Variants in MTMR8 observed in about 807,000 individuals in gnomAD.
MTMR8 encodes phosphatidylinositol-3,5-bisphosphate 3-phosphatase MTMR8.
MTMR8 carries 65 observed loss-of-function variants against 39.3 expected under a neutral mutation model. The ratio of observed to expected loss-of-function variants is 1.65; its 90% CI spans 1.35 to 2.03. MTMR8 has a LOEUF of 2.03. Ranked by LOEUF, MTMR8 falls within the 30% of genes most tolerant of loss-of-function variation. The pLI is 0.00. For synonymous variants in MTMR8, 245 were observed against 185.2 expected, an observed-to-expected ratio of 1.32 and a Z score of -2.62; for missense variants, 777 against 538.9, an observed-to-expected ratio of 1.44 and a Z score of -4.37.
chrX:64,365,759 A>G (rs1173013212), intron 1 of MTMR8, among the ~76,000 whole-genome samples: 1 of 111,817 alleles, frequency 8.9e-6, no homozygotes, highest in African/African-American at 3.3e-5. Flanking sequence ...CACACATAAC[A>G]ATATTAACCT....
chrX:64,365,154 G>A lies in MTMR8; in HGVS notation c.25-5627C>T, dbSNP rs911437836. ...TTTGATTGGTGTGCCTGAAAGTGAC[G>A]GGGAGAATGGAACCAAGTTGGAAAA... On this transcript the variant is annotated intron_variant, in intron 1 of 13. Coordinates refer to ENST00000374852, the MANE Select transcript of MTMR8 (RefSeq NM_017677.4). Among the ~76,000 whole-genome samples the A allele has an allele frequency of 6.3e-5, 7 of 111,372 alleles. No individual in the cohort carries two copies. The East Asian group carries it at 8.5e-4, about 14-fold the overall frequency.
chrX:64,287,999 C>CAAAAAA lies in MTMR8; in HGVS notation c.1482-16932_1482-16927dup. On this transcript the variant is annotated intron_variant, in intron 12 of 13. Transcript: ENST00000374852. ...ATTAAACTAAAGAGCTGCTACACAG[C>CAAAAAA]AAAAAAAAAAAAAAAAAAAAAAAAA... Among the ~76,000 whole-genome samples the CAAAAAA allele has an allele frequency of 1.4e-3, 12 of 8,291 alleles. 1 individual carries two copies. The highest frequency in any genetic ancestry group is 3.0e-3 in the Admixed American group (1 of 331). 7.2% of individuals were successfully genotyped at this position (8,291 alleles called of 115,157 possible). A position where few individuals can be genotyped will look rare whatever the true frequency, so the allele number is the denominator to read the frequency against.
intron 12 of MTMR8, among the ~76,000 whole-genome samples, chrX:64,294,036 C>G (rs769404044): frequency 1.8e-5 from 2 of 111,376 alleles, no homozygotes; most frequent in South Asian, 3.8e-4. Context: ...AAGGCAAGAC[C>G]CTGAAGGATT....
intron 1 of MTMR8, among the ~76,000 whole-genome samples, chrX:64,376,831 A>C (rs1924282949): frequency 8.9e-6 from 1 of 112,157 alleles, no homozygotes; most frequent in African/African-American, 3.2e-5. Flanking sequence ...AGAGACCTTC[A>C]CAGCAGCCCC....
rs767568395 is a variant in MTMR8, at chrX:64,268,931, C to A, written c.1721G>T (p.Gly574Val). 5.0e-6 allele frequency: 6 copies of A among 1,209,801 alleles called. No homozygotes were observed. Among genetic ancestry groups the A allele is most frequent in the Non-Finnish European group, 5.6e-6 (5 of 895,180 alleles). Reference sequence around the variant, plus strand: ...CAGGGTATTCAGGTCTCCATTGATACCCATAAAGCCAAGAGGATTGGTCAA... The same window carrying A: ...CAGGGTATTCAGGTCTCCATTGATAACCATAAAGCCAAGAGGATTGGTCAA... Reference protein sequence around the residue: ...SPLTNPLGFMGINGDLNTLME... With the variant: ...SPLTNPLGFMVINGDLNTLME... Residue 574 changes from glycine to valine, a missense_variant, in exon 14 of 14, where the codon GGT becomes GTT. By Grantham distance (109) the Gly-to-Val change is moderately radical. Transcript: ENST00000374852.
At chrX:64,273,821 A>T (rs1931816027) in intron 12 of MTMR8, among the ~76,000 whole-genome samples, 1 of 111,930 alleles carries the variant, frequency 8.9e-6, no homozygotes, top group Non-Finnish European at 1.9e-5. Flanking sequence ...GTAATATCAG[A>T]CAAAATGAAC....
intron 13 of MTMR8, 100 bp downstream of exon 13, chrX:64,270,847 G>T (rs1931743969): frequency 1.0e-6 from 1 of 984,254 alleles, no homozygotes; most frequent in African/African-American, 2.0e-5. Context: ...GTATAAAAAA[G>T]CCAGCCAGTC....
chrX:64,314,767 C>T (rs1922415448), intron 12 of MTMR8, among the ~76,000 whole-genome samples: 1 of 112,348 alleles, frequency 8.9e-6, no homozygotes, highest in Admixed American at 9.3e-5. Context: ...CCACAGGAAG[C>T]TGTATTGTGG....
At chrX:64,359,551 G>A in intron 1 of MTMR8, 24 bp from the exon 2 acceptor site, 1 of 1,183,681 alleles carries the variant, frequency 8.4e-7, no homozygotes, top group East Asian at 3.0e-5. Flanking sequence ...AAAAAATACT[G>A]AATAAGTTAC....
At chrX:64,297,643 T>C (rs1220361565) in intron 12 of MTMR8, among the ~76,000 whole-genome samples, 3 of 95,865 alleles carry the variant, frequency 3.1e-5, no homozygotes, top group Non-Finnish European at 4.2e-5. Context: ...GTTTTGGACA[T>C]GAAGTCCTTG....
At chrX:64,358,843 G>GCACACACACA (rs762422321) in intron 2 of MTMR8, among the ~76,000 whole-genome samples, 6,198 of 91,072 alleles carry the variant, frequency 0.068, 708 homozygotes, top group African/African-American at 0.25. Flanking sequence ...GCCCGTGCAT[G>GCACACACACA]CACACACACA....
intron 8 of MTMR8, among the ~76,000 whole-genome samples, chrX:64,340,362 G>T (rs915523457): frequency 8.9e-6 from 1 of 111,757 alleles, no homozygotes; most frequent in Non-Finnish European, 1.9e-5. Context: ...CAGATGACGG[G>T]AAGAACCAGG....
At chrX:64,310,866 T>C (rs1203621135) in intron 12 of MTMR8, among the ~76,000 whole-genome samples, 1 of 112,195 alleles carries the variant, frequency 8.9e-6, no homozygotes, top group Non-Finnish European at 1.9e-5. Flanking sequence ...TTCCATGGTG[T>C]ATATGTGCCA....
At chrX:64,377,949 T>C (rs1924312871) in intron 1 of MTMR8, among the ~76,000 whole-genome samples, 1 of 111,570 alleles carries the variant, frequency 9.0e-6, no homozygotes, top group Non-Finnish European at 1.9e-5. Flanking sequence ...CGAGATCTCA[T>C]TGTTTAAAAG....
At chrX:64,299,330 G>T (rs1213759401) in intron 12 of MTMR8, among the ~76,000 whole-genome samples, 3 of 88,618 alleles carry the variant, frequency 3.4e-5, no homozygotes, top group Non-Finnish European at 6.6e-5. Flanking sequence ...GTCGAGGAAT[G>T]TATCCATTTC....
At chrX:64,334,753 G>A (rs867954501) in intron 10 of MTMR8, among the ~76,000 whole-genome samples, 1 of 110,461 alleles carries the variant, frequency 9.1e-6, no homozygotes, top group Middle Eastern at 4.7e-3. Flanking sequence ...ACACATCAGG[G>A]CTAGAATGCT....
At chrX:64,384,805 A>T (rs1004374155) in intron 1 of MTMR8, among the ~76,000 whole-genome samples, 3 of 112,590 alleles carry the variant, frequency 2.7e-5, no homozygotes, top group African/African-American at 9.7e-5. Context: ...AGGGGCTGCC[A>T]TTAAGGTCTC....
At chrX:64,301,894 G>A (rs1239682194) in intron 12 of MTMR8, among the ~76,000 whole-genome samples, 1 of 111,938 alleles carries the variant, frequency 8.9e-6, no homozygotes, top group Non-Finnish European at 1.9e-5. Context: ...CAGGGGTCAG[G>A]GACCCACTTG....
intron 1 of MTMR8, among the ~76,000 whole-genome samples, chrX:64,376,158 A>G (rs1924261629): frequency 8.9e-6 from 1 of 112,209 alleles, no homozygotes; most frequent in Non-Finnish European, 1.9e-5. Context: ...GGTAGTTCTT[A>G]TAGCAATGCA....
Sources: gnomAD v4.1 joint callset for allele counts (sites outside exome capture counted in the v4.1 genomes callset) on GRCh38, gnomAD v4.1.1 for gene constraint, MANE v1.5 for transcripts, NCBI Gene and HGNC (gene_info 2026-07-23, HGNC 2026-07-21) for gene names.